The following SCHIP1 variants were observed in gnomAD, a reference collection of about 807,000 sequenced individuals.
SCHIP1 encodes schwannomin-interacting protein 1.
In SCHIP1, 8 loss-of-function variants were observed where a neutral mutation model predicts 29.7. The ratio of observed to expected loss-of-function variants is 0.27; its 90% CI spans 0.16 to 0.49. The LOEUF is 0.49. Among genes scored for constraint, SCHIP1 ranks in the 20% least tolerant of loss-of-function variants. SCHIP1 has a pLI of 0.99. For synonymous variants in SCHIP1, 76 were observed against 94.9 expected (o/e 0.80, Z 1.16); for missense variants, 193 against 294.6 (o/e 0.66, Z 2.52).
the SCHIP1 span, among the ~76,000 whole-genome samples, chr3:159,569,104 T>G: frequency 5.3e-5 from 8 of 152,146 alleles, no homozygotes; most frequent in Non-Finnish European, 8.8e-5. Context: ...CCTTCCTGAG[T>G]CCCTGTGTTT....
At chr3:159,826,270 C>T in the SCHIP1 span, among the ~76,000 whole-genome samples, 1 of 152,078 alleles carries the variant, frequency 6.6e-6, no homozygotes, top group Admixed American at 6.5e-5. Context: ...CAGGGGCAGC[C>T]GGGTGAGTGA....
the SCHIP1 span, among the ~76,000 whole-genome samples, chr3:159,334,811 A>C: frequency 1.3e-5 from 2 of 152,074 alleles, no homozygotes; most frequent in Admixed American, 1.3e-4. Context: ...AGGGTATTTT[A>C]GTTGTTTCCA....
At chr3:159,766,698 GT>G in the SCHIP1 span, among the ~76,000 whole-genome samples, 1 of 152,296 alleles carries the variant, frequency 6.6e-6, no homozygotes, top group South Asian at 2.1e-4. Flanking sequence ...GGAACAAATT[GT>G]TTTTGAGCAC....
the SCHIP1 span, among the ~76,000 whole-genome samples, chr3:159,744,774 G>A: frequency 2.0e-5 from 3 of 152,058 alleles, no homozygotes; most frequent in Non-Finnish European, 2.9e-5. Flanking sequence ...TCAGGAGATC[G>A]AGACCATCCT....
chr3:159,650,801 G>A, the SCHIP1 span, among the ~76,000 whole-genome samples: 2 of 152,138 alleles, frequency 1.3e-5, no homozygotes, highest in Non-Finnish European at 2.9e-5. Flanking sequence ...TTATTGCACT[G>A]GAACGAGGTC....
intron 5 of SCHIP1, among the ~76,000 whole-genome samples, chr3:159,891,609 C>T (rs948332309): frequency 1.3e-5 from 2 of 152,134 alleles, no homozygotes; most frequent in Non-Finnish European, 2.9e-5. Flanking sequence ...AAACAATCTG[C>T]ACATAGGGCT....
the SCHIP1 span, among the ~76,000 whole-genome samples, chr3:159,598,586 G>A: frequency 6.6e-6 from 1 of 152,160 alleles, no homozygotes; most frequent in African/African-American, 2.4e-5. Flanking sequence ...GCCTTGGAGA[G>A]CTCTGCTTCT....
chr3:159,356,997 C>T, the SCHIP1 span, among the ~76,000 whole-genome samples: 1 of 152,188 alleles, frequency 6.6e-6, no homozygotes, highest in Non-Finnish European at 1.5e-5. Flanking sequence ...ATCCGAACAA[C>T]CAACCTAGTT....
chr3:159,321,890 G>A, the SCHIP1 span, among the ~76,000 whole-genome samples: 2 of 151,882 alleles, frequency 1.3e-5, no homozygotes, highest in Non-Finnish European at 2.9e-5. Context: ...TTAAAACAGT[G>A]TTATTTCAAA....
chr3:159,353,185 A>G, the SCHIP1 span, among the ~76,000 whole-genome samples: 1 of 152,098 alleles, frequency 6.6e-6, no homozygotes, highest in Non-Finnish European at 1.5e-5. Context: ...GAGGGGAGGG[A>G]TAGCATTAGG....
chr3:159,702,403 C>T, the SCHIP1 span, among the ~76,000 whole-genome samples: 1 of 152,224 alleles, frequency 6.6e-6, no homozygotes, highest in Admixed American at 6.5e-5. Flanking sequence ...TTAAGTCACT[C>T]ATAATATTCC....
chr3:159,389,389 T>C, the SCHIP1 span, among the ~76,000 whole-genome samples: 1 of 151,980 alleles, frequency 6.6e-6, no homozygotes, highest in Non-Finnish European at 1.5e-5. Flanking sequence ...AGACTCAGAA[T>C]ATGAAGTGTT....
intron 2 of SCHIP1, among the ~76,000 whole-genome samples, chr3:159,883,632 C>T (rs543206412): frequency 4.9e-4 from 74 of 152,222 alleles, no homozygotes; most frequent in African/African-American, 1.7e-3. Flanking sequence ...TTTAAGATGT[C>T]TTTACTAAAA....
chr3:159,423,696 A>G, the SCHIP1 span, among the ~76,000 whole-genome samples: 2 of 152,136 alleles, frequency 1.3e-5, no homozygotes, highest in South Asian at 4.1e-4. Context: ...GACAGCTTTG[A>G]ACAGAGCAGT....
the SCHIP1 span, among the ~76,000 whole-genome samples, chr3:159,629,141 A>AC: frequency 2.0e-4 from 30 of 151,044 alleles, no homozygotes; most frequent in African/African-American, 3.7e-4. Flanking sequence ...AGTTAAACAA[A>AC]AACACACACA....
chr3:159,521,118 G>T, the SCHIP1 span, among the ~76,000 whole-genome samples: 1 of 152,182 alleles, frequency 6.6e-6, no homozygotes, highest in Non-Finnish European at 1.5e-5. Context: ...GAGAGTGCCT[G>T]TTTCCCCACC....
chr3:159,725,789 T>C, the SCHIP1 span, among the ~76,000 whole-genome samples: 1 of 152,164 alleles, frequency 6.6e-6, no homozygotes, highest in Non-Finnish European at 1.5e-5. Flanking sequence ...AAGAAACAAA[T>C]TGTAATTTCA....
chr3:159,321,287 G>A, the SCHIP1 span, among the ~76,000 whole-genome samples: 1 of 152,168 alleles, frequency 6.6e-6, no homozygotes, highest in Non-Finnish European at 1.5e-5. Context: ...TTAATTACAA[G>A]AAACACCTCC....
the SCHIP1 span, among the ~76,000 whole-genome samples, chr3:159,641,213 C>A: frequency 6.6e-6 from 1 of 152,142 alleles, no homozygotes. Flanking sequence ...ACTCCTCTAT[C>A]TCATCCCTCC....
Sources: allele counts gnomAD v4.1 joint callset (sites outside exome capture counted in the v4.1 genomes callset), GRCh38; gene constraint gnomAD v4.1.1; transcripts MANE v1.5; gene names NCBI Gene and HGNC (gene_info 2026-07-23, HGNC 2026-07-21).